Variants in LMO3 observed in about 807,000 individuals in gnomAD.
LMO3 encodes LIM domain only protein 3.
Under a neutral mutation model 15.8 loss-of-function variants are expected in LMO3, and 2 were observed. The observed-to-expected ratio is 0.13, with a 90% CI of 0.05 to 0.40. LMO3 has a LOEUF of 0.40. Among genes scored for constraint, LMO3 ranks in the 10% least tolerant of loss-of-function variants. LMO3 has a pLI of 0.99. For synonymous variants in LMO3, 62 were observed against 63.8 expected, an observed-to-expected ratio of 0.97 and a Z score of 0.13; for missense variants, 86 against 182.2, an observed-to-expected ratio of 0.47 and a Z score of 3.04.
intron 2 of LMO3, among the ~76,000 whole-genome samples, chr12:16,561,861 A>G (rs1466951008): frequency 6.6e-6 from 1 of 152,204 alleles, no homozygotes; most frequent in African/African-American, 2.4e-5. Context: ...GAAGGTAGAA[A>G]CAATAAATGC....
Position 16,560,823 on chromosome 12 carries a change from C to A in LMO3, c.207-285G>T. 1 of 434,308 alleles carries A rather than the reference C, an allele frequency of 2.3e-6. No homozygotes were observed. Among genetic ancestry groups the A allele is most frequent in the Non-Finnish European group, 4.3e-6 (1 of 230,622 alleles). The allele number at this position is 434,308 out of a possible 1,614,324, so 26.9% of individuals were successfully genotyped here. On this transcript the variant is annotated intron_variant, in intron 2 of 3. Transcript: ENST00000537304. This position sits in a 1 kb window ranked among gnomAD's most constrained non-coding sequence, Gnocchi z 5.0. ...AAACAGAAGTCAATGGGGGTGAATT[C>A]ATAGCAAAAATCTCTGGGTTAGAGT...
chr12:16,558,744 G>GAAAC (rs1354519855), intron 3 of LMO3, among the ~76,000 whole-genome samples: 2 of 152,114 alleles, frequency 1.3e-5, no homozygotes, highest in Admixed American at 1.3e-4. Context: ...CATTTAGCAA[G>GAAAC]AAACACTATT....
rs1943665196 is a variant in LMO3, at chr12:16,596,505, C to T, written c.206+4150G>A. Among the ~76,000 whole-genome samples the T allele has an allele frequency of 6.6e-6, 1 of 151,462 alleles. No individual in the cohort carries two copies. The highest frequency in any genetic ancestry group is 6.6e-5 in the Admixed American group (1 of 15,194). ...CTATATAGACTTAATGCTTAAAGTA[C>T]GTCACAAAAAGTTGCAGGTTCAAAG... is the stretch of plus-strand genomic sequence containing the variant. On this transcript the variant is annotated intron_variant, in intron 2 of 3. Transcript: ENST00000537304. This position sits in a 1 kb window ranked among gnomAD's most constrained non-coding sequence, Gnocchi z 4.3.
At position 16,591,800 on chromosome 12, in the gene LMO3, C is replaced by A. The variant is rs1943502963; in HGVS notation, c.206+8855G>T. On this transcript the variant is annotated intron_variant, in intron 2 of 3. Coordinates refer to ENST00000537304, the MANE Select transcript of LMO3 (RefSeq NM_018640.5). The surrounding 1 kb of genome is among the most constrained non-coding windows in gnomAD (Gnocchi z 4.1). Reference sequence around the variant, plus strand: ...AAAATATAACCCGTGAAGCTCAAAGCTCAGCTTTCATAAGAGGACCACTGG... The same window carrying A: ...AAAATATAACCCGTGAAGCTCAAAGATCAGCTTTCATAAGAGGACCACTGG... Among the ~76,000 whole-genome samples the A allele has an allele frequency of 6.6e-6, 1 of 152,026 alleles. No individual in the cohort carries two copies. The highest frequency in any genetic ancestry group is 6.6e-5 in the Admixed American group (1 of 15,228).
chr12:16,564,029 G>T (rs1942498479), intron 2 of LMO3, among the ~76,000 whole-genome samples: 1 of 152,176 alleles, frequency 6.6e-6, no homozygotes, highest in African/African-American at 2.4e-5. Flanking sequence ...TAATGTAAAA[G>T]GTGACAAGTA....
At chr12:16,557,763 T>C in intron 3 of LMO3, among the ~76,000 whole-genome samples, 1 of 151,970 alleles carries the variant, frequency 6.6e-6, no homozygotes, top group Middle Eastern at 3.2e-3. Context: ...GCAAGAGAGG[T>C]ATTAGTGTTT....
rs577351140 is a variant in LMO3 at position 16,587,814 on chromosome 12, C to T, written c.206+12841G>A. Among the ~76,000 whole-genome samples the T allele has an allele frequency of 6.6e-6, 1 of 152,038 alleles. No individual in the cohort carries two copies. Among genetic ancestry groups the T allele is most frequent in the South Asian group, 2.1e-4 (1 of 4,806 alleles). On this transcript the variant is annotated intron_variant, in intron 2 of 3. Coordinates refer to ENST00000537304, the MANE Select transcript of LMO3 (RefSeq NM_018640.5). This position sits in a 1 kb window ranked among gnomAD's most constrained non-coding sequence, Gnocchi z 4.3. The stretch of plus-strand genomic sequence containing the variant: ...TCACTGTGTCCTGAATGGGGGGTTT[C>T]AGGGGGAGGGAGAGGAACCTTGTCT...
upstream of LMO3, chr12:16,608,437 C>T (rs1209369080): frequency 6.6e-6 from 1 of 152,080 alleles, no homozygotes; most frequent in Non-Finnish European, 1.5e-5. This position sits in a 1 kb window ranked among gnomAD's most constrained non-coding sequence, Gnocchi z 4.1. Context: ...TTAAATCATT[C>T]AACTAATTAA....
At chr12:16,607,351 G>A (rs1944032167), upstream of LMO3, 1 of 152,096 alleles carries the variant, frequency 6.6e-6, no homozygotes, top group Non-Finnish European at 1.5e-5. Context: ...CATGTTTTCA[G>A]GACTAACTTG....
At chr12:16,561,782 G>T (rs906123043) in intron 2 of LMO3, among the ~76,000 whole-genome samples, 2 of 152,156 alleles carry the variant, frequency 1.3e-5, no homozygotes, top group African/African-American at 2.4e-5. Flanking sequence ...TAAGTGTCTG[G>T]CAAAATGTGC....
At position 16,549,745 on chromosome 12, in the gene LMO3, C is replaced by G. The variant is rs965817676; in HGVS notation, c.*1477G>C. ...TGAAAAGTAGTTCTATTACAGGGAG[C>G]AAAAGCAAAGAAGCAAGTTTGTGGG... On this transcript the variant is annotated 3_prime_UTR_variant, in exon 4 of 4. Transcript: ENST00000537304. The G allele has an allele frequency of 6.6e-6, 1 of 152,020 alleles. No individual in the cohort carries two copies. Among genetic ancestry groups the G allele is most frequent in the Non-Finnish European group, 1.5e-5 (1 of 67,950 alleles). 9.4% of individuals were successfully genotyped at this position (152,020 alleles called of 1,614,324 possible). A position where few individuals can be genotyped will look rare whatever the true frequency, so the allele number is the denominator to read the frequency against.
At chr12:16,609,912 CT>C (rs35590497), upstream of LMO3, 21,637 of 143,442 alleles carry the variant, frequency 0.15, 2,023 homozygotes, top group East Asian at 0.38. Flanking sequence ...AGGTTGCCGT[CT>C]TTTTTTTTTT....
chr12:16,550,213 T>C lies in LMO3; in HGVS notation c.*1009A>G, dbSNP rs1941937686. On this transcript the variant is annotated 3_prime_UTR_variant, in exon 4 of 4. Transcript: ENST00000537304. ...GATTCACACTCAAATCTTTTCAGTG[T>C]CATACATTTATTAAGCCATAAAGTT... 1 of 152,270 alleles carries C rather than the reference T, an allele frequency of 6.6e-6. No homozygotes were observed. Among genetic ancestry groups the C allele is most frequent in the Non-Finnish European group, 1.5e-5 (1 of 67,940 alleles). The allele number at this position is 152,270 out of a possible 1,614,324, so 9.4% of individuals were successfully genotyped here.
intron 2 of LMO3, among the ~76,000 whole-genome samples, chr12:16,581,798 A>G (rs2137542750): frequency 6.6e-6 from 1 of 152,240 alleles, no homozygotes; most frequent in African/African-American, 2.4e-5. Context: ...ATATATTTTA[A>G]TAATTGTATT....
chr12:16,605,802 T>G (rs1943975789), intron 1 of LMO3: 2 of 1,535,558 alleles, frequency 1.3e-6, no homozygotes, highest in East Asian at 4.9e-5. Flanking sequence ...CTCTCCCTCC[T>G]TCCATCAACA....
At chr12:16,577,569 C>T (rs1468280751) in intron 2 of LMO3, among the ~76,000 whole-genome samples, 1 of 151,776 alleles carries the variant, frequency 6.6e-6, no homozygotes, top group Non-Finnish European at 1.5e-5. Flanking sequence ...TATAATAAAA[C>T]AAATAAGAAT....
intron 2 of LMO3, among the ~76,000 whole-genome samples, chr12:16,592,213 C>T (rs1298424131): frequency 6.6e-6 from 1 of 151,958 alleles, no homozygotes; most frequent in Non-Finnish European, 1.5e-5. Flanking sequence ...TAAATGGTTT[C>T]ATTGTAGAAC....
At chr12:16,574,162 AAGTT>A (rs1942919363) in intron 2 of LMO3, among the ~76,000 whole-genome samples, 1 of 152,160 alleles carries the variant, frequency 6.6e-6, no homozygotes, top group South Asian at 2.1e-4. Flanking sequence ...GACCCAGAGT[AAGTT>A]AGAGGAAGAC....
chr12:16,600,585 C>A, intron 2 of LMO3, 70 bp downstream of exon 2: 1 of 1,373,402 alleles, frequency 7.3e-7, no homozygotes, highest in Non-Finnish European at 1.0e-6. Flanking sequence ...AACAAGCAAA[C>A]AAAAAATACA....
Sources: gnomAD v4.1 joint callset for allele counts (sites outside exome capture counted in the v4.1 genomes callset) on GRCh38, gnomAD v4.1.1 for gene constraint, Gnocchi (gnomAD v3.1) non-coding constraint, MANE v1.5 for transcripts, NCBI Gene and HGNC (gene_info 2026-07-23, HGNC 2026-07-21) for gene names.